Variants in DNMT3B observed in about 807,000 individuals in gnomAD.
The protein encoded by DNMT3B is DNA methyltransferase 3 beta.
Under a neutral mutation model 120.2 loss-of-function variants are expected in DNMT3B, and 37 were observed. The ratio of observed to expected loss-of-function variants is 0.31; its 90% CI spans 0.24 to 0.40. The LOEUF is 0.40. DNMT3B is among the 10% of genes least tolerant of loss of function. The probability of loss-of-function intolerance (pLI) is 1.00; values close to 1 mark genes in which losing one functional copy is unlikely to be tolerated. For missense variants in DNMT3B, 878 were observed against 1,137.3 expected, an observed-to-expected ratio of 0.77 and a Z score of 3.28; for synonymous variants, 412 against 442.8, an observed-to-expected ratio of 0.93 and a Z score of 0.87.
intron 1 of DNMT3B, among the ~76,000 whole-genome samples, chr20:32,770,261 C>T (rs550446939): frequency 1.3e-5 from 2 of 151,720 alleles, no homozygotes; most frequent in African/African-American, 4.8e-5. Context: ...TACAGGTGCC[C>T]GCCACCTCAT....
Position 32,801,429 on chromosome 20 carries a change from G to GA in DNMT3B, c.2145+4dup. 6.2e-7 allele frequency: 1 copy of GA among 1,613,944 alleles called. No individual in the cohort carries two copies. Among genetic ancestry groups the GA allele is most frequent in the South Asian group, 1.1e-5 (1 of 91,064 alleles). ...GGGACATCTCACGGTTCCTGGAGGT[G>GA]AGGGAATCTGGGGACCTGATTGTCA... is the stretch of plus-strand genomic sequence containing the variant. On this transcript the variant is annotated splice_donor_region_variant and intron_variant, in intron 19 of 22. Transcript: ENST00000328111.
chr20:32,770,913 A>G (rs1987691591), intron 1 of DNMT3B, among the ~76,000 whole-genome samples: 1 of 151,550 alleles, frequency 6.6e-6, no homozygotes, highest in Non-Finnish European at 1.5e-5. Flanking sequence ...TGCCCGGCCT[A>G]AATTTTTTTT....
At position 32,806,172 on chromosome 20, in the gene DNMT3B, T is replaced by C. The variant is rs746635177; in HGVS notation, c.2302-37T>C. 1.7e-5 allele frequency: 28 copies of C among 1,600,476 alleles called. No individual in the cohort carries two copies. The South Asian group carries it at 3.0e-4, about 17-fold the overall frequency. On this transcript the variant is annotated intron_variant, in intron 21 of 22. Transcript: ENST00000328111. ...AGCCTTGACTCCCCAGGTCCCTTCA[T>C]TCTGTGCTCACTCCATGATGTCATT...
intron 14 of DNMT3B, 53 bp from the exon 15 acceptor site, chr20:32,798,407 C>T (rs2146028444): frequency 6.2e-7 from 1 of 1,609,524 alleles, no homozygotes; most frequent in South Asian, 1.1e-5. Flanking sequence ...AAGGGGGTGG[C>T]ACAGGAGACC....
At chr20:32,790,145 A>G (rs1366315285) in intron 7 of DNMT3B, among the ~76,000 whole-genome samples, 1 of 152,180 alleles carries the variant, frequency 6.6e-6, no homozygotes, top group East Asian at 1.9e-4. Context: ...GAAGTTTCCC[A>G]AGGGCTACAA....
chr20:32,785,437 G>A (rs959055307), intron 4 of DNMT3B, among the ~76,000 whole-genome samples: 2 of 152,106 alleles, frequency 1.3e-5, no homozygotes, highest in Non-Finnish European at 2.9e-5. Flanking sequence ...TTTGCAGGGT[G>A]GATGGCTCAG....
intron 20 of DNMT3B, among the ~76,000 whole-genome samples, chr20:32,803,298 G>A (rs1981577714): frequency 6.6e-6 from 1 of 152,212 alleles, no homozygotes. Context: ...TCCCAGACTT[G>A]CAAATGAGTT....
intron 1 of DNMT3B, among the ~76,000 whole-genome samples, chr20:32,776,964 A>G (rs1188558600): frequency 6.6e-6 from 1 of 152,156 alleles, no homozygotes; most frequent in Non-Finnish European, 1.5e-5. Context: ...TGAGCTGGGC[A>G]TCTTTAGTCA....
At chr20:32,806,576 C>T (rs932872154) in intron 22 of DNMT3B, among the ~76,000 whole-genome samples, 3 of 152,182 alleles carry the variant, frequency 2.0e-5, no homozygotes, top group African/African-American at 7.2e-5. Flanking sequence ...GCTGCACTGC[C>T]GTGACATCTG....
chr20:32,788,684 T>C (rs4911260), intron 6 of DNMT3B, among the ~76,000 whole-genome samples, 170 bp from the exon 7 acceptor site: 91,015 of 152,094 alleles, frequency 0.6, 30,154 homozygotes, highest in East Asian at 0.99. Flanking sequence ...GCGATCCCCC[T>C]GCCTCGGTCT....
At chr20:32,787,799 A>G (rs996595025) in intron 6 of DNMT3B, among the ~76,000 whole-genome samples, 26 of 152,192 alleles carry the variant, frequency 1.7e-4, no homozygotes, top group Non-Finnish European at 2.6e-4. Flanking sequence ...AAAGCTGTTT[A>G]TTTCACCTGA....
chr20:32,788,680 C>T (rs1979617387), intron 6 of DNMT3B, among the ~76,000 whole-genome samples, 174 bp from the exon 7 acceptor site: 1 of 152,130 alleles, frequency 6.6e-6, no homozygotes, highest in Non-Finnish European at 1.5e-5. Flanking sequence ...TCAAGCGATC[C>T]CCCTGCCTCG....
At chr20:32,774,161 G>A (rs1341569151) in intron 1 of DNMT3B, among the ~76,000 whole-genome samples, 1 of 151,688 alleles carries the variant, frequency 6.6e-6, no homozygotes, top group African/African-American at 2.4e-5. Flanking sequence ...CTTCACCTAG[G>A]TGTGGTGTCC....
At chr20:32,766,624 G>T (rs1003607522) in intron 1 of DNMT3B, among the ~76,000 whole-genome samples, 1 of 152,010 alleles carries the variant, frequency 6.6e-6, no homozygotes, top group Admixed American at 6.6e-5. Context: ...AGACAGTCTC[G>T]CTCTGTTGCC....
At position 32,800,837 on chromosome 20, in the gene DNMT3B, T is replaced by C; in HGVS notation, c.1908T>C (p.Ile636=). 1.2e-6 allele frequency: 2 copies of C among 1,614,150 alleles called. No individual in the cohort carries two copies. The highest frequency in any genetic ancestry group is 1.7e-6 in the Non-Finnish European group (2 of 1,180,020). Residue 636 remains isoleucine, a splice_region_variant and synonymous_variant, in exon 18 of 23, where the codon ATT becomes ATC. Transcript: ENST00000328111. The part of the protein sequence containing the change: ...NDVRNITKKN[I]EEWGPFDLVI... ...CTGACTCTGTCTCTCTCTTTCAGATTGAAGAATGGGGCCCATTTGACTTGG... is the reference window on the plus strand; with the variant it reads ...CTGACTCTGTCTCTCTCTTTCAGATCGAAGAATGGGGCCCATTTGACTTGG...
chr20:32,778,681 G>A (rs1447383795), intron 1 of DNMT3B, among the ~76,000 whole-genome samples: 2 of 152,216 alleles, frequency 1.3e-5, no homozygotes, highest in Non-Finnish European at 1.5e-5. Context: ...CTTGGAGCCC[G>A]CAATACAAGG....
intron 5 of DNMT3B, among the ~76,000 whole-genome samples, chr20:32,786,848 C>T (rs1979352035): frequency 6.6e-6 from 1 of 152,246 alleles, no homozygotes; most frequent in Non-Finnish European, 1.5e-5. Flanking sequence ...GGAATGGAAG[C>T]TTTCCCTGTT....
chr20:32,807,969 G>A lies in DNMT3B; in HGVS notation c.*66G>A. ...CCAGGACCCAGGAGGTGTGATTCCT[G>A]AAGGCATCCCCAGGCCCTGCTCTTC... On this transcript the variant is annotated 3_prime_UTR_variant, in exon 23 of 23. Transcript: ENST00000328111. The A allele has an allele frequency of 1.2e-6, 2 of 1,612,776 alleles. No individual in the cohort carries two copies. The highest frequency in any genetic ancestry group is 8.5e-7 in the Non-Finnish European group (1 of 1,179,380).
intron 21 of DNMT3B, 99 bp downstream of exon 21, chr20:32,805,506 C>G (rs187439521): frequency 2.2e-6 from 3 of 1,387,586 alleles, no homozygotes; most frequent in African/African-American, 1.4e-5. Flanking sequence ...TACTCCTCCC[C>G]CCACGTGACT....
Sources: allele counts gnomAD v4.1 joint callset (sites outside exome capture counted in the v4.1 genomes callset), GRCh38; gene constraint gnomAD v4.1.1; transcripts MANE v1.5; gene names NCBI Gene and HGNC (gene_info 2026-07-23, HGNC 2026-07-21).